The following PPFIBP1 variants were observed in gnomAD, a reference collection of about 807,000 sequenced individuals.
The protein encoded by PPFIBP1 is PPFIB scaffold protein 1.
PPFIBP1 carries 112 observed loss-of-function variants against 137.8 expected under a neutral mutation model. The ratio of observed to expected loss-of-function variants is 0.81; its 90% CI spans 0.70 to 0.95. PPFIBP1 has a LOEUF of 0.95. Ranked by LOEUF, PPFIBP1 falls within the 40% of genes least tolerant of loss-of-function variation. The pLI is 0.00. For missense variants in PPFIBP1, 1,083 were observed against 1,196.6 expected (o/e 0.91, Z 1.40); for synonymous variants, 378 against 417.3 (o/e 0.91, Z 1.15).
At chr12:27,597,098 T>C (rs769087482) in intron 2 of PPFIBP1, among the ~76,000 whole-genome samples, 32 of 152,356 alleles carry the variant, frequency 2.1e-4, no homozygotes, top group Non-Finnish European at 3.4e-4. Flanking sequence ...GGGGTACATA[T>C]GGTATACAGG....
intron 1 of PPFIBP1, among the ~76,000 whole-genome samples, chr12:27,544,562 C>T (rs1946023557): frequency 6.6e-6 from 1 of 152,002 alleles, no homozygotes; most frequent in Admixed American, 6.6e-5. Flanking sequence ...ACAAACAACC[C>T]CATCAAAAAG....
intron 9 of PPFIBP1, among the ~76,000 whole-genome samples, chr12:27,658,550 T>C (rs890030599): frequency 6.6e-6 from 1 of 152,208 alleles, no homozygotes; most frequent in Admixed American, 6.5e-5. Context: ...TCCATAAACC[T>C]AATTTTAATG....
intron 2 of PPFIBP1, among the ~76,000 whole-genome samples, chr12:27,614,795 A>G (rs965479438): frequency 3.9e-5 from 6 of 152,224 alleles, no homozygotes; most frequent in Non-Finnish European, 7.3e-5. Flanking sequence ...ATTGTTATAT[A>G]ACCGGAATCA....
At chr12:27,547,133 G>T (rs1435674874) in intron 1 of PPFIBP1, 5 of 152,262 alleles carry the variant, frequency 3.3e-5, no homozygotes, top group Non-Finnish European at 7.3e-5. Flanking sequence ...AGGTTATAAA[G>T]TAAATATGTC....
intron 2 of PPFIBP1, among the ~76,000 whole-genome samples, chr12:27,599,653 A>G (rs2053745800): frequency 6.6e-6 from 1 of 152,134 alleles, no homozygotes; most frequent in Non-Finnish European, 1.5e-5. Flanking sequence ...TCATTAATTT[A>G]AATTATGAAA....
Position 27,664,398 on chromosome 12 carries a change from A to G in PPFIBP1, c.943A>G (p.Arg315Gly). Residue 315 changes from arginine (R) to glycine (G), a missense_variant, in exon 12 of 30, where the codon AGG becomes GGG. Transcript: ENST00000228425. The part of the protein sequence containing the change: ...KIEDLRQCLN[R>G]YKKMQDTVVL... ...AGAAGATCTTCGACAGTGCCTGAAC[A>G]GGTACAAGAAAATGCAAGACACGGT... The G allele has an allele frequency of 6.2e-7, 1 of 1,613,022 alleles. No individual in the cohort carries two copies. Among genetic ancestry groups the G allele is most frequent in the Non-Finnish European group, 8.5e-7 (1 of 1,179,148 alleles).
chr12:27,537,070 T>C (rs1423616931), intron 1 of PPFIBP1, among the ~76,000 whole-genome samples: 1 of 152,032 alleles, frequency 6.6e-6, no homozygotes, highest in African/African-American at 2.4e-5. Context: ...GTTCGCATCC[T>C]CCTTCTCTCT....
chr12:27,597,804 A>G (rs1359225182), intron 2 of PPFIBP1, among the ~76,000 whole-genome samples: 1 of 151,974 alleles, frequency 6.6e-6, no homozygotes, highest in Non-Finnish European at 1.5e-5. Context: ...TTATTTATGT[A>G]TTTATTTATT....
intron 1 of PPFIBP1, among the ~76,000 whole-genome samples, chr12:27,571,970 CT>C (rs1204241537): frequency 1.3e-5 from 2 of 152,170 alleles, no homozygotes; most frequent in Admixed American, 6.5e-5. Context: ...TTATAGAATG[CT>C]TTTTTCCTCT....
chr12:27,576,761 C>G (rs377320201), intron 1 of PPFIBP1, among the ~76,000 whole-genome samples: 48 of 152,168 alleles, frequency 3.2e-4, no homozygotes, highest in Admixed American at 3.1e-3. Context: ...TGTTTCAGCT[C>G]TTTCATAAAC....
At chr12:27,543,873 G>A (rs306659) in intron 1 of PPFIBP1, among the ~76,000 whole-genome samples, 74,969 of 115,434 alleles carry the variant, frequency 0.65, 20,397 homozygotes, top group East Asian at 0.68. Flanking sequence ...CCCCCACCCC[G>A]CCCCTGCTTT....
chr12:27,581,961 G>A (rs1444408354), intron 2 of PPFIBP1, among the ~76,000 whole-genome samples: 1 of 150,626 alleles, frequency 6.6e-6, no homozygotes, highest in Non-Finnish European at 1.5e-5. Context: ...TCAAGCAGAT[G>A]CTTTGCGTGT....
intron 2 of PPFIBP1, among the ~76,000 whole-genome samples, chr12:27,618,020 G>T (rs911528527): frequency 2.0e-5 from 3 of 152,180 alleles, no homozygotes; most frequent in African/African-American, 7.2e-5. Flanking sequence ...TCTCCTGAAA[G>T]TTACGGGTTG....
At chr12:27,671,357 A>C in intron 13 of PPFIBP1, 74 bp from the exon 14 acceptor site, 1 of 806,460 alleles carries the variant, frequency 1.2e-6, no homozygotes, top group Non-Finnish European at 2.0e-6. Flanking sequence ...TAATTTTCTT[A>C]TGTTTATTTA....
chr12:27,542,438 G>A (rs79169177), intron 1 of PPFIBP1, among the ~76,000 whole-genome samples: 3,568 of 152,256 alleles, frequency 0.023, 58 homozygotes, highest in Admixed American at 0.035. Context: ...AAGTAATTGC[G>A]GTTTTTGCCA....
At chr12:27,557,834 C>T (rs1446776334) in intron 1 of PPFIBP1, among the ~76,000 whole-genome samples, 4 of 152,112 alleles carry the variant, frequency 2.6e-5, no homozygotes, top group Non-Finnish European at 5.9e-5. Context: ...TGGGGACAAA[C>T]CTGGAATTAC....
chr12:27,638,958 A>G (rs1386599230), intron 4 of PPFIBP1, among the ~76,000 whole-genome samples: 2 of 152,116 alleles, frequency 1.3e-5, no homozygotes, highest in African/African-American at 4.8e-5. Flanking sequence ...GCAACTGGGC[A>G]TTTGCAGTTG....
rs760234146 is a variant in PPFIBP1, at chr12:27,691,775, T to G, written c.2712T>G (p.Phe904Leu). The G allele has an allele frequency of 6.2e-7, 1 of 1,610,516 alleles. No individual in the cohort carries two copies. Among genetic ancestry groups the G allele is most frequent in the South Asian group, 1.1e-5 (1 of 89,854 alleles). The change falls in exon 28 of 30, where the codon TTT (phenylalanine) becomes TTG (leucine). Residue 904 changes from phenylalanine to leucine, a missense_variant. By Grantham distance (22) the Phe-to-Leu change is conservative. Coordinates refer to ENST00000228425, the MANE Select transcript of PPFIBP1 (RefSeq NM_003622.4). ...CAAAGAAACTTGCCTTTAGCAATTT[T>G]GGGAATTTGAGAAAGAAGAAACAGG... ...VKPKKLAFSN[F>L]GNLRKKKQED...
At chr12:27,609,629 G>T (rs1051146075) in intron 2 of PPFIBP1, among the ~76,000 whole-genome samples, 2 of 152,090 alleles carry the variant, frequency 1.3e-5, no homozygotes, top group African/African-American at 4.8e-5. Context: ...CTGTACTTAA[G>T]ACCCTTCAAT....
Sources: gnomAD v4.1 joint callset for allele counts (sites outside exome capture counted in the v4.1 genomes callset) on GRCh38, gnomAD v4.1.1 for gene constraint, MANE v1.5 for transcripts, NCBI Gene and HGNC (gene_info 2026-07-23, HGNC 2026-07-21) for gene names.